Variants in FN3KRP observed in about 807,000 individuals in gnomAD.
FN3KRP encodes the protein fructosamine 3 kinase related protein.
Under a neutral mutation model 29.8 loss-of-function variants are expected in FN3KRP, and 33 were observed. The observed-to-expected ratio is 1.11, with a 90% CI of 0.84 to 1.48. FN3KRP has a LOEUF of 1.48. FN3KRP is among the 40% of genes most tolerant of loss of function. The pLI, the probability that FN3KRP is intolerant of heterozygous loss-of-function variation, is 0.00. For synonymous variants in FN3KRP, 157 were observed against 155.2 expected, an observed-to-expected ratio of 1.01 and a Z score of -0.09; for missense variants, 430 against 402.6, an observed-to-expected ratio of 1.07 and a Z score of -0.58.
chr17:82,724,789 A>G (rs761264063), intron 4 of FN3KRP, among the ~76,000 whole-genome samples: 8 of 152,112 alleles, frequency 5.3e-5, no homozygotes, highest in Non-Finnish European at 8.8e-5. Context: ...TATGGGCAGC[A>G]ACGTGGCAAT....
chr17:82,723,139 A>G (rs183385275), intron 4 of FN3KRP, among the ~76,000 whole-genome samples: 1 of 2,456 alleles, frequency 4.1e-4, no homozygotes, highest in Non-Finnish European at 2.0e-3. Flanking sequence ...AATTTAACAA[A>G]TGTTTTAGGT....
intron 4 of FN3KRP, among the ~76,000 whole-genome samples, chr17:82,723,647 ATG>A (rs370596017): frequency 3.0e-4 from 46 of 151,974 alleles, no homozygotes; most frequent in African/African-American, 9.2e-4. Flanking sequence ...ACGTGTGTGC[ATG>A]TGTGTACGCG....
At position 82,722,882 on chromosome 17, in the gene FN3KRP, C is replaced by T. The variant is rs778881619; in HGVS notation, c.464C>T (p.Pro155Leu). 6 of 1,613,854 alleles carry T rather than the reference C, an allele frequency of 3.7e-6. No individual in the cohort carries two copies. In the African/African-American group the frequency reaches 5.3e-5, roughly 14 times the overall value. The change falls in exon 4 of 6, where the codon CCC (proline) becomes CTC (leucine). Residue 155 changes from proline to leucine, a missense_variant. Coordinates refer to ENST00000269373, the MANE Select transcript of FN3KRP (RefSeq NM_024619.4). ...GTGGTGACGTGCTGTGGATACCTCC[C>T]CCAGGTGAGTGCACGGCGTTTGCTT... ...FDVVTCCGYL[P>L]QVNDWQEDWV... is the part of the protein sequence containing the mutation.
intron 1 of FN3KRP, among the ~76,000 whole-genome samples, chr17:82,717,716 C>T (rs2046767639): frequency 6.6e-6 from 1 of 151,776 alleles, no homozygotes; most frequent in Non-Finnish European, 1.5e-5. Context: ...AATGAGACTC[C>T]GTCTCAAAAA....
chr17:82,722,733 T>A, intron 3 of FN3KRP, 71 bp from the exon 4 acceptor site: 1 of 1,474,780 alleles, frequency 6.8e-7, no homozygotes, highest in Non-Finnish European at 9.4e-7. Context: ...TGTCTGAAGG[T>A]GACTCAGTTT....
intron 3 of FN3KRP, chr17:82,721,015 G>A (rs953423944): frequency 6.6e-6 from 1 of 152,284 alleles, no homozygotes. Flanking sequence ...GTCTCTTCCA[G>A]TCTTAACGGA....
intron 4 of FN3KRP, among the ~76,000 whole-genome samples, chr17:82,724,771 A>C (rs776248870): frequency 6.6e-6 from 1 of 152,168 alleles, no homozygotes; most frequent in Non-Finnish European, 1.5e-5. Flanking sequence ...ACTTGGGACA[A>C]CGATCTTTAT....
At chr17:82,719,997 C>T (rs1397537054) in intron 2 of FN3KRP, among the ~76,000 whole-genome samples, 1 of 151,838 alleles carries the variant, frequency 6.6e-6, no homozygotes, top group East Asian at 1.9e-4. Flanking sequence ...AACCCTGCCT[C>T]TACTAAAAAT....
chr17:82,719,402 ACT>A (rs1555663998), intron 2 of FN3KRP, among the ~76,000 whole-genome samples: 1 of 152,156 alleles, frequency 6.6e-6, no homozygotes, highest in Non-Finnish European at 1.5e-5. Flanking sequence ...AACGGCAGGC[ACT>A]CTCTGCAACC....
chr17:82,725,102 T>C (rs6502131), intron 4 of FN3KRP, among the ~76,000 whole-genome samples: 151,060 of 152,008 alleles, frequency 0.99, 75,064 homozygotes, highest in East Asian at 1. Flanking sequence ...TGAGCCACCG[T>C]GCCTGGCCAA....
chr17:82,718,322 GC>G (rs11352174), intron 1 of FN3KRP: 768,954 of 770,184 alleles, frequency 1, 383,874 homozygotes, highest in East Asian at 1. Context: ...TGTGTGGTGA[GC>G]CAGGGGGACC....
chr17:82,719,931 A>G (rs2046786568), intron 2 of FN3KRP, among the ~76,000 whole-genome samples: 1 of 152,198 alleles, frequency 6.6e-6, no homozygotes, highest in Non-Finnish European at 1.5e-5. Context: ...TTGGGAGGCC[A>G]AGGTGGGCGG....
At chr17:82,726,776 G>T in intron 5 of FN3KRP, 57 bp from the exon 6 acceptor site, 1 of 1,495,570 alleles carries the variant, frequency 6.7e-7, no homozygotes, top group South Asian at 1.3e-5. Flanking sequence ...GACCTGGAGC[G>T]GCGCCCCTCA....
Position 82,716,855 on chromosome 17 carries a change from G to A in FN3KRP, c.100G>A (p.Asp34Asn). 1 of 1,566,840 alleles carries A rather than the reference G, an allele frequency of 6.4e-7. No individual in the cohort carries two copies. The highest frequency in any genetic ancestry group is 8.6e-7 in the Non-Finnish European group (1 of 1,160,704). ...CISQGRSYDT[D>N]QGRVFVKVNP... ...CAGCCAGGGCCGGAGCTACGACACGGATCAAGGACGAGTGTTCGTGAAAGT... is the reference window on the plus strand; with the variant it reads ...CAGCCAGGGCCGGAGCTACGACACGAATCAAGGACGAGTGTTCGTGAAAGT... The change falls in exon 1 of 6, where the codon GAT (aspartate) becomes AAT (asparagine). Residue 34 changes from aspartate (D) to asparagine (N), a missense_variant. By Grantham distance (23) the Asp-to-Asn change is conservative. Coordinates refer to ENST00000269373, the MANE Select transcript of FN3KRP (RefSeq NM_024619.4).
Position 82,726,560 on chromosome 17 carries a change from G to T in FN3KRP, c.549G>T (p.Glu183Asp). 6.2e-7 allele frequency: 1 copy of T among 1,614,196 alleles called. No homozygotes were observed. ...IQPQMDMVEK[E>D]SGDREALQLW... is the part of the protein sequence containing the mutation. ...CCCAGATGGACATGGTGGAGAAGGAGTCTGGGGACAGGGAGGCCCTCCAGC... is the reference window on the plus strand; with the variant it reads ...CCCAGATGGACATGGTGGAGAAGGATTCTGGGGACAGGGAGGCCCTCCAGC... Residue 183 changes from glutamate (E) to aspartate (D), a missense_variant, in exon 5 of 6, where the codon GAG becomes GAT. By Grantham distance (45) the Glu-to-Asp change is conservative (BLOSUM62 2). Coordinates refer to ENST00000269373, the MANE Select transcript of FN3KRP (RefSeq NM_024619.4).
chr17:82,724,016 G>A (rs2046820213), intron 4 of FN3KRP, among the ~76,000 whole-genome samples: 1 of 151,908 alleles, frequency 6.6e-6, no homozygotes, highest in Non-Finnish European at 1.5e-5. Context: ...AAATAAAAAA[G>A]CCCTGGTGGT....
intron 1 of FN3KRP, chr17:82,718,395 G>A: frequency 1.0e-6 from 1 of 987,678 alleles, no homozygotes; most frequent in Non-Finnish European, 1.2e-6. Context: ...AGATGAGGTG[G>A]TTTCCAGTGC....
rs754797996 is a variant in FN3KRP at position 82,716,783 on chromosome 17, G to C, written c.28G>C (p.Gly10Arg). The C allele has an allele frequency of 5.8e-6, 9 of 1,538,656 alleles. No homozygotes were observed. Among genetic ancestry groups the C allele is most frequent in the Admixed American group, 2.3e-5 (1 of 44,386 alleles). Residue 10 changes from glycine to arginine, a missense_variant, in exon 1 of 6, where the codon GGC (glycine) becomes CGC (arginine). Gly to Arg is a moderately radical substitution (Grantham distance 125). Transcript: ENST00000269373. ...GGAGGAGCTCCTGAGGCGCGAGCTG[G>C]GCTGCAGCTCTGTCAGGGCCACGGG... Reference protein sequence around the residue: MEELLRRELGCSSVRATGHS... With the variant: MEELLRRELRCSSVRATGHS...
chr17:82,723,852 C>T (rs1014747164), intron 4 of FN3KRP, among the ~76,000 whole-genome samples: 1 of 151,980 alleles, frequency 6.6e-6, no homozygotes, highest in Non-Finnish European at 1.5e-5. Flanking sequence ...CCTGTCATCA[C>T]TGTCTGGGGA....
Sources: gnomAD v4.1 joint callset for allele counts (sites outside exome capture counted in the v4.1 genomes callset) on GRCh38, gnomAD v4.1.1 for gene constraint, MANE v1.5 for transcripts, NCBI Gene and HGNC (gene_info 2026-07-23, HGNC 2026-07-21) for gene names.